IQGAP1: variants seen among roughly 807,000 people sequenced by gnomAD.
The protein encoded by IQGAP1 is IQ motif containing GTPase activating protein 1.
A neutral mutation model predicts 215.6 loss-of-function variants in IQGAP1; 66 were observed. The ratio of observed to expected loss-of-function variants is 0.31; its 90% CI spans 0.25 to 0.38. The LOEUF is 0.38. Ranked by LOEUF, IQGAP1 falls within the 10% of genes least tolerant of loss-of-function variation. The probability of loss-of-function intolerance (pLI) is 1.00; values close to 1 mark genes in which losing one functional copy is unlikely to be tolerated. For synonymous variants in IQGAP1, 772 were observed against 728.7 expected (o/e 1.06, Z -0.96); for missense variants, 1,712 against 1,997.1 (o/e 0.86, Z 2.72).
chr15:90,447,031 A>G (rs1567129154), intron 9 of IQGAP1, among the ~76,000 whole-genome samples: 1 of 152,216 alleles, frequency 6.6e-6, no homozygotes, highest in African/African-American at 2.4e-5. Flanking sequence ...GAGAAAGTCT[A>G]GTTTGTTATC....
intron 2 of IQGAP1, chr15:90,393,507 A>C (rs1224382890): frequency 1.3e-5 from 2 of 151,970 alleles, no homozygotes; most frequent in Non-Finnish European, 1.5e-5. Context: ...CCATGGATGC[A>C]GAACCCATGG....
intron 2 of IQGAP1, among the ~76,000 whole-genome samples, chr15:90,410,000 GT>G (rs1381015901): frequency 6.6e-6 from 1 of 152,120 alleles, no homozygotes; most frequent in East Asian, 1.9e-4. Flanking sequence ...AGGGTTGTTT[GT>G]TTTTTTCTTG....
At chr15:90,445,337 A>AGG (rs1965512758) in intron 9 of IQGAP1, among the ~76,000 whole-genome samples, 1 of 151,864 alleles carries the variant, frequency 6.6e-6, no homozygotes, top group South Asian at 2.1e-4. Context: ...ATGTCATGTA[A>AGG]TCTCCCTACT....
chr15:90,486,923 G>T (rs114062063), intron 31 of IQGAP1, 31 bp from the exon 32 acceptor site: 36 of 1,606,654 alleles, frequency 2.2e-5, no homozygotes, highest in Non-Finnish European at 3.1e-5. Context: ...TCTTTATTAC[G>T]CTGACTCTTT....
At chr15:90,467,015 C>G (rs1347230284) in intron 17 of IQGAP1, among the ~76,000 whole-genome samples, 1 of 152,076 alleles carries the variant, frequency 6.6e-6, no homozygotes, top group Admixed American at 6.6e-5. Context: ...TCGCCTGAAC[C>G]CGGGAGGCAG....
intron 32 of IQGAP1, 103 bp from the exon 33 acceptor site, chr15:90,487,392 C>T (rs1966141316): frequency 2.4e-6 from 2 of 822,454 alleles, no homozygotes; most frequent in Non-Finnish European, 4.0e-6. Flanking sequence ...CTTGGGACTT[C>T]TGTGAGGTAC....
chr15:90,490,988 C>T (rs918366715), intron 33 of IQGAP1, among the ~76,000 whole-genome samples: 10 of 152,100 alleles, frequency 6.6e-5, no homozygotes, highest in African/African-American at 2.2e-4. Flanking sequence ...TGTTTTTGTA[C>T]TTTTAGTAGA....
At chr15:90,450,933 G>A (rs1313632239) in intron 11 of IQGAP1, among the ~76,000 whole-genome samples, 2 of 150,364 alleles carry the variant, frequency 1.3e-5, no homozygotes, top group African/African-American at 4.9e-5. Flanking sequence ...TCACTTTGTT[G>A]TTGGTTTCCT....
intron 23 of IQGAP1, 154 bp downstream of exon 23, chr15:90,474,847 CTG>C (rs956963679): frequency 1.6e-6 from 1 of 612,896 alleles, no homozygotes; most frequent in African/African-American, 1.9e-5. Context: ...GAGTCTCACT[CTG>C]TTGCCCAGGT....
At chr15:90,441,864 A>T (rs1354174024) in intron 8 of IQGAP1, among the ~76,000 whole-genome samples, 180 bp downstream of exon 8, 2 of 152,126 alleles carry the variant, frequency 1.3e-5, no homozygotes, top group African/African-American at 2.4e-5. Flanking sequence ...CACTCCCAGA[A>T]AGTTCCTTAG....
chr15:90,388,509 C>A, intron 1 of IQGAP1, 113 bp downstream of exon 1: 1 of 943,336 alleles, frequency 1.1e-6, no homozygotes, highest in Non-Finnish European at 1.4e-6. Context: ...GCCGGCAGCT[C>A]GGACCCGGAA....
chr15:90,442,681 G>A lies in IQGAP1; in HGVS notation c.829-713G>A, dbSNP rs937818247. Among the ~76,000 whole-genome samples, 6 of 152,162 alleles carry A rather than the reference G, an allele frequency of 3.9e-5. 1 individual carries two copies. Among genetic ancestry groups the A allele is most frequent in the Admixed American group, 1.3e-4 (2 of 15,286 alleles). On this transcript the variant is annotated intron_variant, in intron 8 of 37. Coordinates refer to ENST00000268182, the MANE Select transcript of IQGAP1 (RefSeq NM_003870.4). ...TTGTGGATCTGTATGTGCCCATTCT[G>A]CTCAGATCTGAGGCAAGGATGTGCT...
chr15:90,477,057 T>TCC lies in IQGAP1; in HGVS notation c.2941-10_2941-9insCC, dbSNP rs774951143. 1.9e-6 allele frequency: 3 copies of TCC among 1,613,352 alleles called. No individual in the cohort carries two copies. In the South Asian group the frequency reaches 3.3e-5, roughly 18 times the overall value. On this transcript the variant is annotated splice_polypyrimidine_tract_variant and intron_variant, in intron 24 of 37. Transcript: ENST00000268182. Reference sequence around the variant, plus strand: ...ACCTACAAATGACTTATCCCTTGGTTTTATTTCAGACCAATCCCACCTATC... The same window carrying TCC: ...ACCTACAAATGACTTATCCCTTGGTTCCTTATTTCAGACCAATCCCACCTATC...
rs1187367093 is a variant in IQGAP1, at chr15:90,465,254, C to T, written c.1777-747C>T. On this transcript the variant is annotated intron_variant, in intron 15 of 37. Transcript: ENST00000268182. ...AGATTCTGGTTAAAGTAAGACTTGACAGTCTTAAAAACATTAGTAGTCATA... is the reference window on the plus strand; with the variant it reads ...AGATTCTGGTTAAAGTAAGACTTGATAGTCTTAAAAACATTAGTAGTCATA... Among the ~76,000 whole-genome samples, 3 of 152,222 alleles carry T rather than the reference C, an allele frequency of 2.0e-5. No individual in the cohort carries two copies. In the East Asian group the frequency reaches 5.8e-4, roughly 29 times the overall value.
At chr15:90,401,422 A>G (rs1367467838) in intron 2 of IQGAP1, among the ~76,000 whole-genome samples, 1 of 152,232 alleles carries the variant, frequency 6.6e-6, no homozygotes, top group Admixed American at 6.5e-5. Context: ...TAAGGCAGCT[A>G]AAGGAAAGCC....
intron 33 of IQGAP1, 130 bp from the exon 34 acceptor site, chr15:90,491,203 G>GA: frequency 1.4e-6 from 1 of 718,224 alleles, no homozygotes; most frequent in South Asian, 1.9e-5. Flanking sequence ...GCAGGGGGCA[G>GA]AATTTGTTTC....
intron 2 of IQGAP1, among the ~76,000 whole-genome samples, chr15:90,411,249 G>C (rs1284909257): frequency 6.6e-6 from 1 of 151,936 alleles, no homozygotes; most frequent in Non-Finnish European, 1.5e-5. Flanking sequence ...TAGAAGGCAA[G>C]TACTACGTTC....
chr15:90,397,318 T>C (rs897005398), intron 2 of IQGAP1, among the ~76,000 whole-genome samples: 1 of 152,142 alleles, frequency 6.6e-6, no homozygotes, highest in African/African-American at 2.4e-5. Context: ...TGTTGAGATA[T>C]CTTGCCACAG....
intron 13 of IQGAP1, among the ~76,000 whole-genome samples, chr15:90,453,821 GT>G (rs1965641654): frequency 6.6e-6 from 1 of 152,076 alleles, no homozygotes; most frequent in African/African-American, 2.4e-5. Flanking sequence ...TTCTAGGCTT[GT>G]CACGATTCAG....
Sources: gnomAD v4.1 joint callset for allele counts (sites outside exome capture counted in the v4.1 genomes callset) on GRCh38, gnomAD v4.1.1 for gene constraint, MANE v1.5 for transcripts, NCBI Gene and HGNC (gene_info 2026-07-23, HGNC 2026-07-21) for gene names.